The following OAS3 variants were observed in gnomAD, a reference collection of about 807,000 sequenced individuals.
OAS3 encodes 2'-5'-oligoadenylate synthase 3.
OAS3 carries 107 observed loss-of-function variants against 113.0 expected under a neutral mutation model. That is an observed-to-expected ratio of 0.95 (90% confidence interval 0.81 to 1.11). The LOEUF (loss-of-function observed/expected upper bound fraction) is 1.11. Among genes scored for constraint, OAS3 ranks in the 50% most tolerant of loss-of-function variants. OAS3 has a pLI of 0.00. For synonymous variants in OAS3, 552 were observed against 573.6 expected (o/e 0.96, Z 0.54); for missense variants, 1,258 against 1,389.1 (o/e 0.91, Z 1.50).
At position 112,944,490 on chromosome 12, in the gene OAS3, G is replaced by C. The variant is rs371718880; in HGVS notation, c.475G>C (p.Gly159Arg). ...AFNVLGQAGS[G>R]VKPKPQVYST... The stretch of plus-strand genomic sequence containing the variant: ...CACACCAACAGGTCAGGCCGGCTCC[G>C]GCGTCAAACCCAAGCCACAAGTCTA... Residue 159 changes from glycine (G) to arginine (R), a missense_variant, in exon 3 of 16, where the codon GGC becomes CGC. Coordinates refer to ENST00000228928, the MANE Select transcript of OAS3 (RefSeq NM_006187.4). 3.7e-6 allele frequency: 6 copies of C among 1,613,890 alleles called. No individual in the cohort carries two copies. The Admixed American group carries it at 6.7e-5, about 18-fold the overall frequency.
rs1043105616 is a variant in OAS3 at position 112,971,384 on chromosome 12, A to C, written c.*1411A>C. 2.0e-5 allele frequency: 3 copies of C among 153,344 alleles called. No individual in the cohort carries two copies. Among genetic ancestry groups the C allele is most frequent in the African/African-American group, 7.2e-5 (3 of 41,452 alleles). The allele number at this position is 153,344 out of a possible 1,614,324, so 9.5% of individuals were successfully genotyped here. A position where few individuals can be genotyped will look rare whatever the true frequency, so the allele number is the denominator to read the frequency against. ...CCAGAGCTGCGGGAAGACGGATCCC[A>C]CCTCCCTTTCTTAGCAGAATCTAAA... On this transcript the variant is annotated 3_prime_UTR_variant, in exon 16 of 16. Transcript: ENST00000228928.
intron 7 of OAS3, among the ~76,000 whole-genome samples, chr12:112,953,759 T>C (rs1199293475): frequency 3.3e-5 from 5 of 152,228 alleles, no homozygotes; most frequent in Non-Finnish European, 5.9e-5. Flanking sequence ...CATTTTTTCA[T>C]GTGTCTGTTG....
At chr12:112,953,084 C>G (rs908383597) in intron 7 of OAS3, among the ~76,000 whole-genome samples, 1 of 152,058 alleles carries the variant, frequency 6.6e-6, no homozygotes, top group African/African-American at 2.4e-5. Flanking sequence ...GTGTGCTGCA[C>G]CCATTAACTC....
Position 112,961,161 on chromosome 12 carries a change from T to A in OAS3, c.1748T>A (p.Phe583Tyr). 2 of 1,614,012 alleles carry A rather than the reference T, an allele frequency of 1.2e-6. No homozygotes were observed. Among genetic ancestry groups the A allele is most frequent in the Middle Eastern group, 1.6e-4 (1 of 6,062 alleles). ...CAGGAGGGCGAGCATAAGGCCTGCT[T>A]CGCAGAGCTGCGGAGGAACTTCATG... is the stretch of plus-strand genomic sequence containing the variant. Reference protein sequence around the residue: ...GCQEGEHKACFAELRRNFMNI... With the variant: ...GCQEGEHKACYAELRRNFMNI... Residue 583 changes from phenylalanine to tyrosine, a missense_variant, in exon 8 of 16, where the codon TTC becomes TAC. Coordinates refer to ENST00000228928, the MANE Select transcript of OAS3 (RefSeq NM_006187.4).
rs1053552747 is a variant in OAS3, at chr12:112,970,748, T to C, written c.*775T>C. The C allele has an allele frequency of 6.6e-6, 1 of 151,946 alleles. No individual in the cohort carries two copies. The highest frequency in any genetic ancestry group is 2.4e-5 in the African/African-American group (1 of 41,308). 9.4% of individuals were successfully genotyped at this position (151,946 alleles called of 1,614,324 possible). On this transcript the variant is annotated 3_prime_UTR_variant, in exon 16 of 16. Transcript: ENST00000228928. The stretch of plus-strand genomic sequence containing the variant: ...CTGCCACAGACACAGACAGAGGGAG[T>C]TGGGACATGCATGCTATGGGGACCC...
At chr12:112,951,724 T>C (rs1025327895) in intron 7 of OAS3, among the ~76,000 whole-genome samples, 2 of 151,344 alleles carry the variant, frequency 1.3e-5, no homozygotes, top group Admixed American at 6.6e-5. Context: ...CATCCAGGCA[T>C]GGTGGATCAC....
At chr12:112,947,315 C>T (rs1004306534) in intron 4 of OAS3, among the ~76,000 whole-genome samples, 2 of 152,342 alleles carry the variant, frequency 1.3e-5, no homozygotes, top group East Asian at 3.9e-4. Flanking sequence ...CAGCACCCCA[C>T]TGGTCCCCTC....
At chr12:112,964,435 G>A (rs1420292472) in intron 11 of OAS3, 27 bp downstream of exon 11, 2 of 1,597,840 alleles carry the variant, frequency 1.3e-6, no homozygotes, top group South Asian at 1.1e-5. Context: ...CTGTAGGCAA[G>A]CAGTGTCCTG....
In OAS3 at chr12:112,949,065, C is replaced by T; in HGVS notation, c.1234C>T (p.Pro412Ser). 1 of 1,613,992 alleles carries T rather than the reference C, an allele frequency of 6.2e-7. No homozygotes were observed. The highest frequency in any genetic ancestry group is 8.5e-7 in the Non-Finnish European group (1 of 1,179,882). Residue 412 changes from proline to serine, a missense_variant, in exon 6 of 16, where the codon CCC (proline) becomes TCC (serine). Coordinates refer to ENST00000228928, the MANE Select transcript of OAS3 (RefSeq NM_006187.4). ...AATGGCCTTGGACCTGTCTCAGATC[C>T]CCACCAAGGAGCTGGACCGCTTCAT... ...PGMALDLSQIPTKELDRFIQD... is the reference protein window; with the variant it reads ...PGMALDLSQISTKELDRFIQD...
Position 112,968,578 on chromosome 12 carries a change from A to C in OAS3, c.3104+404A>C, listed in dbSNP as rs191865988. On this transcript the variant is annotated intron_variant, in intron 14 of 15. Transcript: ENST00000228928. ...ACCCAGGCTGGAGTGCAATGGCGCGATCTTGGCTCACTGCAACCCTCCGCC... is the reference window on the plus strand; with the variant it reads ...ACCCAGGCTGGAGTGCAATGGCGCGCTCTTGGCTCACTGCAACCCTCCGCC... Among the ~76,000 whole-genome samples the C allele has an allele frequency of 1.0e-3, 157 of 152,256 alleles. 5 individuals carry two copies. The South Asian group carries it at 0.029, about 29-fold the overall frequency.
At position 112,946,738 on chromosome 12, in the gene OAS3, C is replaced by T; in HGVS notation, c.637-5C>T. 1 of 1,603,610 alleles carries T rather than the reference C, an allele frequency of 6.2e-7. No individual in the cohort carries two copies. Among genetic ancestry groups the T allele is most frequent in the Non-Finnish European group, 8.5e-7 (1 of 1,174,884 alleles). The stretch of plus-strand genomic sequence containing the variant: ...TCTGAGTCCCCTGCCGATGCCCTCT[C>T]ACAGGTGTGCCTACAGGGGTTGTGG... On this transcript the variant is annotated splice_polypyrimidine_tract_variant and splice_region_variant and intron_variant, in intron 3 of 15. Transcript: ENST00000228928.
At chr12:112,967,330 G>A (rs1300219397) in intron 12 of OAS3, 88 bp from the exon 13 acceptor site, 55 of 1,299,254 alleles carry the variant, frequency 4.2e-5, no homozygotes, top group Non-Finnish European at 3.2e-6. Flanking sequence ...ACACCCAAGA[G>A]GTAGGAGATC....
In OAS3 at chr12:112,944,471, A is replaced by G. The variant is rs914352448; in HGVS notation, c.461-5A>G. ...TCCCTAACTCACAGCGCTTCACACC[A>G]ACAGGTCAGGCCGGCTCCGGCGTCA... On this transcript the variant is annotated splice_region_variant and splice_polypyrimidine_tract_variant and intron_variant, in intron 2 of 15. Coordinates refer to ENST00000228928, the MANE Select transcript of OAS3 (RefSeq NM_006187.4). The G allele has an allele frequency of 1.2e-6, 2 of 1,613,902 alleles. No homozygotes were observed. The highest frequency in any genetic ancestry group is 4.5e-5 in the East Asian group (2 of 44,882).
intron 4 of OAS3, among the ~76,000 whole-genome samples, 171 bp from the exon 5 acceptor site, chr12:112,947,775 G>A (rs966745895): frequency 2.6e-5 from 4 of 152,194 alleles, no homozygotes; most frequent in Admixed American, 1.3e-4. Flanking sequence ...TGATAAGCAG[G>A]CAATGTTGTT....
At position 112,946,840 on chromosome 12, in the gene OAS3, C is replaced by T; in HGVS notation, c.734C>T (p.Ala245Val). Residue 245 changes from alanine (A) to valine (V), a missense_variant, in exon 4 of 16, where the codon GCT becomes GTT. Physicochemically the swap from Ala to Val is moderately conservative, Grantham distance 64. Coordinates refer to ENST00000228928, the MANE Select transcript of OAS3 (RefSeq NM_006187.4). ...TGGGAGCAGGGCTGTAAGAAGGATG[C>T]TTTCAGCCTAGCCGAAGGCCTCCGA... is the stretch of plus-strand genomic sequence containing the variant. Reference protein sequence around the residue: ...FAWEQGCKKDAFSLAEGLRTV... With the variant: ...FAWEQGCKKDVFSLAEGLRTV... 1 of 1,613,934 alleles carries T rather than the reference C, an allele frequency of 6.2e-7. No homozygotes were observed. Among genetic ancestry groups the T allele is most frequent in the South Asian group, 1.1e-5 (1 of 91,054 alleles).
chr12:112,950,475 A>G, intron 6 of OAS3: 1 of 593,214 alleles, frequency 1.7e-6, no homozygotes, highest in Non-Finnish European at 3.0e-6. Flanking sequence ...CTCAGTCTTC[A>G]TGGATCAGAG....
At chr12:112,968,344 A>AG (rs1413489593) in intron 14 of OAS3, among the ~76,000 whole-genome samples, 170 bp downstream of exon 14, 3 of 152,348 alleles carry the variant, frequency 2.0e-5, no homozygotes, top group East Asian at 3.9e-4. Flanking sequence ...CTGGTCACCC[A>AG]GGAATAGGGT....
Position 112,970,359 on chromosome 12 carries a change from T to C in OAS3, c.*386T>C. 1 of 285,306 alleles carries C rather than the reference T, an allele frequency of 3.5e-6. No homozygotes were observed. Among genetic ancestry groups the C allele is most frequent in the Non-Finnish European group, 6.7e-6 (1 of 149,982 alleles). 17.7% of individuals were successfully genotyped at this position (285,306 alleles called of 1,614,324 possible). A position where few individuals can be genotyped will look rare whatever the true frequency, so the allele number is the denominator to read the frequency against. Reference sequence around the variant, plus strand: ...GCTCACATCTTTCCTCCTGCTGCAATCCATCCCTTCCTCCCATTGGCCTCT... The same window carrying C: ...GCTCACATCTTTCCTCCTGCTGCAACCCATCCCTTCCTCCCATTGGCCTCT... On this transcript the variant is annotated 3_prime_UTR_variant, in exon 16 of 16. Coordinates refer to ENST00000228928, the MANE Select transcript of OAS3 (RefSeq NM_006187.4).
chr12:112,948,004 C>A lies in OAS3; in HGVS notation c.934C>A (p.His312Asn). The A allele has an allele frequency of 6.2e-7, 1 of 1,602,694 alleles. No homozygotes were observed. Among genetic ancestry groups the A allele is most frequent in the Non-Finnish European group, 8.5e-7 (1 of 1,174,712 alleles). The change falls in exon 5 of 16, where the codon CAC (histidine) becomes AAC (asparagine). Residue 312 changes from histidine to asparagine, a missense_variant. By Grantham distance (68) the His-to-Asn change is moderately conservative. Coordinates refer to ENST00000228928, the MANE Select transcript of OAS3 (RefSeq NM_006187.4). ...TWDLGNGAAW[H>N]WDLLAQEAAS... ...GGACCTGGGGAATGGGGCAGCCTGG[C>A]ACTGGGATTTGCTAGCCCAGGAGGC...
Sources: gnomAD v4.1 joint callset for allele counts (sites outside exome capture counted in the v4.1 genomes callset) on GRCh38, gnomAD v4.1.1 for gene constraint, MANE v1.5 for transcripts, NCBI Gene and HGNC (gene_info 2026-07-23, HGNC 2026-07-21) for gene names.